Variants in CNTN5 observed in about 807,000 individuals in gnomAD.
CNTN5 encodes the protein contactin 5.
CNTN5 carries 77 observed loss-of-function variants against 129.1 expected under a neutral mutation model. The ratio of observed to expected loss-of-function variants is 0.60; its 90% CI spans 0.50 to 0.72. The LOEUF is 0.72. Among genes scored for constraint, CNTN5 ranks in the 30% least tolerant of loss-of-function variants. CNTN5 has a pLI of 0.00. For synonymous variants in CNTN5, 509 were observed against 465.6 expected (o/e 1.09, Z -1.20); for missense variants, 1,478 against 1,328.8 (o/e 1.11, Z -1.75).
chr11:99,110,648 C>A lies in CNTN5; in HGVS notation c.-210+89378C>A, dbSNP rs866837353. On this transcript the variant is annotated intron_variant, in intron 1 of 24. Coordinates refer to ENST00000524871, the MANE Select transcript of CNTN5 (RefSeq NM_014361.4). ...TATCCCCTTTGGTTTTTCATTCACT[C>A]GTCAGCAGATAATTACTCTAGAAGC... 6.6e-5 allele frequency among the ~76,000 whole-genome samples: 10 copies of A among 152,198 alleles called. No individual in the cohort carries two copies. In the South Asian group the frequency reaches 2.1e-3, roughly 32 times the overall value.
intron 9 of CNTN5, among the ~76,000 whole-genome samples, chr11:100,038,397 C>A (rs1278201472): frequency 2.0e-5 from 3 of 152,150 alleles, no homozygotes; most frequent in South Asian, 2.1e-4. Flanking sequence ...ACTATGTGGT[C>A]AATTTTGGAA....
intron 6 of CNTN5, among the ~76,000 whole-genome samples, chr11:99,880,818 A>C (rs1343750051): frequency 6.6e-6 from 1 of 152,170 alleles, no homozygotes; most frequent in African/African-American, 2.4e-5. Flanking sequence ...AGGAAATATT[A>C]TTTTGGAGAT....
At chr11:100,302,465 C>T (rs1434933103) in intron 20 of CNTN5, among the ~76,000 whole-genome samples, 1 of 151,586 alleles carries the variant, frequency 6.6e-6, no homozygotes, top group Non-Finnish European at 1.5e-5. Flanking sequence ...CTTGAAATTC[C>T]TCCACATTCT....
intron 1 of CNTN5, among the ~76,000 whole-genome samples, chr11:99,238,365 A>G (rs907196797): frequency 1.3e-5 from 2 of 152,192 alleles, no homozygotes; most frequent in African/African-American, 2.4e-5. Flanking sequence ...ATCGATTGGC[A>G]TAAAATGCAA....
chr11:99,351,570 A>T (rs1029422627), intron 2 of CNTN5, among the ~76,000 whole-genome samples: 2 of 152,210 alleles, frequency 1.3e-5, no homozygotes, highest in African/African-American at 4.8e-5. Context: ...AAGCATTAGT[A>T]TTTTCAGAAA....
intron 3 of CNTN5, among the ~76,000 whole-genome samples, chr11:99,683,794 T>A (rs1195391783): frequency 3.3e-5 from 5 of 151,868 alleles, no homozygotes; most frequent in Middle Eastern, 3.2e-3. Flanking sequence ...CTGTAGTCAG[T>A]AATGCTTTCT....
chr11:99,228,405 T>A (rs939665445), intron 1 of CNTN5, among the ~76,000 whole-genome samples: 10 of 151,976 alleles, frequency 6.6e-5, no homozygotes, highest in Admixed American at 1.3e-4. Flanking sequence ...AAGAAATAAG[T>A]TCTAATGTTT....
intron 3 of CNTN5, among the ~76,000 whole-genome samples, chr11:99,777,338 G>A (rs543574574): frequency 2.0e-5 from 3 of 151,882 alleles, no homozygotes; most frequent in African/African-American, 7.2e-5. Context: ...AGAAATAAAA[G>A]CACTGTTCTT....
In CNTN5 at chr11:99,036,131, C is replaced by A. The variant is rs528106489; in HGVS notation, c.-210+14861C>A. 1.2e-4 allele frequency among the ~76,000 whole-genome samples: 18 copies of A among 152,022 alleles called. No homozygotes were observed. In the East Asian group the frequency reaches 3.5e-3, roughly 29 times the overall value. On this transcript the variant is annotated intron_variant, in intron 1 of 24. Coordinates refer to ENST00000524871, the MANE Select transcript of CNTN5 (RefSeq NM_014361.4). ...TCTTTTGGCTTGTAGAGTTTCTGCCCATGGCTTATTTTTTCACGTTGCGTA... is the reference window on the plus strand; with the variant it reads ...TCTTTTGGCTTGTAGAGTTTCTGCCAATGGCTTATTTTTTCACGTTGCGTA...
chr11:99,479,872 C>A (rs1306824271), intron 2 of CNTN5, among the ~76,000 whole-genome samples: 1 of 149,030 alleles, frequency 6.7e-6, no homozygotes, highest in Non-Finnish European at 1.5e-5. Flanking sequence ...ATTTTCACAG[C>A]TGTTTATTTT....
intron 7 of CNTN5, among the ~76,000 whole-genome samples, chr11:99,939,651 AG>A (rs1170044870): frequency 6.6e-6 from 1 of 152,130 alleles, no homozygotes; most frequent in African/African-American, 2.4e-5. Flanking sequence ...GATATTTAAT[AG>A]AAAAAAATAG....
chr11:99,112,061 C>T (rs1217191492), intron 1 of CNTN5, among the ~76,000 whole-genome samples: 1 of 151,936 alleles, frequency 6.6e-6, no homozygotes, highest in Admixed American at 6.6e-5. Flanking sequence ...AGTACAGTAC[C>T]TGATAATTAC....
At chr11:99,730,790 T>C (rs1228705854) in intron 3 of CNTN5, among the ~76,000 whole-genome samples, 2 of 152,236 alleles carry the variant, frequency 1.3e-5, no homozygotes, top group African/African-American at 4.8e-5. Flanking sequence ...ATTTATAATT[T>C]ATTTGTGTTG....
chr11:100,018,397 G>A (rs1018250374), intron 9 of CNTN5, among the ~76,000 whole-genome samples: 2 of 151,856 alleles, frequency 1.3e-5, no homozygotes, highest in African/African-American at 4.8e-5. Flanking sequence ...ATGCATAACT[G>A]AAATCATACA....
chr11:99,045,549 A>T (rs867753982), intron 1 of CNTN5, among the ~76,000 whole-genome samples: 1 of 152,186 alleles, frequency 6.6e-6, no homozygotes, highest in African/African-American at 2.4e-5. Context: ...ATTACAAAAG[A>T]TTTTACTTTA....
At chr11:99,670,372 A>G (rs1463764809) in intron 3 of CNTN5, among the ~76,000 whole-genome samples, 2 of 152,166 alleles carry the variant, frequency 1.3e-5, no homozygotes, top group Admixed American at 1.3e-4. Flanking sequence ...GGAGTCATCC[A>G]TTTATCTGCA....
intron 13 of CNTN5, among the ~76,000 whole-genome samples, chr11:100,080,516 G>A (rs1051363296): frequency 1.3e-5 from 2 of 152,094 alleles, no homozygotes; most frequent in African/African-American, 4.8e-5. Flanking sequence ...CTGACTCAGA[G>A]ACATATGGGA....
intron 1 of CNTN5, among the ~76,000 whole-genome samples, chr11:99,078,371 G>T (rs569117333): frequency 6.6e-6 from 1 of 152,272 alleles, no homozygotes; most frequent in East Asian, 1.9e-4. Context: ...ACAGGTTGGA[G>T]GTTCCTCAAA....
chr11:99,136,354 C>T (rs1859217561), intron 1 of CNTN5, among the ~76,000 whole-genome samples: 1 of 152,094 alleles, frequency 6.6e-6, no homozygotes, highest in Admixed American at 6.6e-5. Context: ...CTTGAGAAAT[C>T]TCTACATGAA....
Sources: allele counts gnomAD v4.1 joint callset (sites outside exome capture counted in the v4.1 genomes callset), GRCh38; gene constraint gnomAD v4.1.1; transcripts MANE v1.5; gene names NCBI Gene and HGNC (gene_info 2026-07-23, HGNC 2026-07-21).